LRBA: variants seen among roughly 807,000 people sequenced by gnomAD.
LRBA encodes the protein LPS responsive beige-like anchor protein.
Under a neutral mutation model 330.0 loss-of-function variants are expected in LRBA, and 176 were observed. That is an observed-to-expected ratio of 0.53 (90% CI 0.47 to 0.60). The LOEUF is 0.60. Ranked by LOEUF, LRBA falls within the 20% of genes least tolerant of loss-of-function variation. The pLI, the probability that LRBA is intolerant of heterozygous loss-of-function variation, is 0.00. For synonymous variants in LRBA, 1,230 were observed against 1,193.0 expected (o/e 1.03, Z -0.64); for missense variants, 3,259 against 3,444.8 (o/e 0.95, Z 1.35).
chr4:150,673,958 T>C (rs1413363112), intron 37 of LRBA, among the ~76,000 whole-genome samples: 1 of 152,164 alleles, frequency 6.6e-6, no homozygotes, highest in East Asian at 1.9e-4. Flanking sequence ...ATTTAAGAGG[T>C]TAGGTTCCAC....
intron 36 of LRBA, among the ~76,000 whole-genome samples, chr4:150,711,562 A>G (rs951510278): frequency 2.0e-5 from 3 of 152,178 alleles, no homozygotes; most frequent in Non-Finnish European, 4.4e-5. Context: ...CAACCACAAT[A>G]TAATTTCAAG....
intron 37 of LRBA, among the ~76,000 whole-genome samples, chr4:150,639,869 A>G (rs1294465283): frequency 8.7e-5 from 8 of 91,460 alleles, no homozygotes; most frequent in Non-Finnish European, 1.5e-4. Flanking sequence ...ATATATATAT[A>G]TATTTAGATG....
intron 41 of LRBA, among the ~76,000 whole-genome samples, chr4:150,489,180 T>C (rs1581463859): frequency 2.4e-5 from 3 of 123,982 alleles, no homozygotes; most frequent in South Asian, 4.7e-4. Context: ...TATATAAGTA[T>C]ATAATATATT....
intron 47 of LRBA, among the ~76,000 whole-genome samples, chr4:150,373,371 C>T (rs1162847027): frequency 6.6e-6 from 1 of 152,006 alleles, no homozygotes; most frequent in Non-Finnish European, 1.5e-5. Context: ...TTTCTCAGAC[C>T]TGCTTTACCT....
In LRBA at chr4:150,576,629, C is replaced by A. The variant is rs549114191; in HGVS notation, c.6330+11419G>T. Reference sequence around the variant, plus strand: ...AGTTGCTATTCAACTTGGGGGAAAACCCTGATATACAGCATACTCTCAATT... The same window carrying A: ...AGTTGCTATTCAACTTGGGGGAAAAACCTGATATACAGCATACTCTCAATT... On this transcript the variant is annotated intron_variant, in intron 40 of 56. Coordinates refer to ENST00000651943, the MANE Select transcript of LRBA (RefSeq NM_001364905.1). 1.8e-3 allele frequency among the ~76,000 whole-genome samples: 280 copies of A among 151,846 alleles called. 2 individuals are homozygous for A. The highest frequency in any genetic ancestry group is 2.8e-3 in the Non-Finnish European group (191 of 67,740).
chr4:150,381,795 G>C (rs76682500), intron 47 of LRBA, among the ~76,000 whole-genome samples: 3,022 of 152,312 alleles, frequency 0.02, 41 homozygotes, highest in Middle Eastern at 0.065. Flanking sequence ...AGTAATGCCT[G>C]AGGGTTACAG....
At chr4:150,276,245 A>C (rs555611593) in intron 56 of LRBA, among the ~76,000 whole-genome samples, 3 of 152,206 alleles carry the variant, frequency 2.0e-5, no homozygotes, top group Non-Finnish European at 4.4e-5. Context: ...GAAAACTGAA[A>C]CTGGACCCCT....
At chr4:150,667,309 A>G (rs1320351993) in intron 37 of LRBA, among the ~76,000 whole-genome samples, 2 of 152,208 alleles carry the variant, frequency 1.3e-5, no homozygotes, top group Non-Finnish European at 2.9e-5. Context: ...GCATGTAATC[A>G]TAAGCATCCT....
chr4:150,921,144 A>G, intron 5 of LRBA, 54 bp downstream of exon 5: 1 of 1,202,468 alleles, frequency 8.3e-7, no homozygotes, highest in Non-Finnish European at 1.2e-6. Context: ...CTGTACTTTC[A>G]GGGAGCAAAG....
chr4:150,606,290 C>T (rs1001503388), intron 37 of LRBA, among the ~76,000 whole-genome samples: 1 of 151,990 alleles, frequency 6.6e-6, no homozygotes, highest in Non-Finnish European at 1.5e-5. Flanking sequence ...AAAGCTCTAA[C>T]AAAAGACATC....
At chr4:150,546,209 C>T (rs759017740) in intron 40 of LRBA, among the ~76,000 whole-genome samples, 1 of 152,274 alleles carries the variant, frequency 6.6e-6, no homozygotes, top group Non-Finnish European at 1.5e-5. Flanking sequence ...AACATGGCCA[C>T]GCTGCACATG....
chr4:150,766,943 T>C (rs1735839034), intron 34 of LRBA, among the ~76,000 whole-genome samples: 1 of 152,182 alleles, frequency 6.6e-6, no homozygotes, highest in African/African-American at 2.4e-5. Flanking sequence ...AATTGTTGAC[T>C]AGTCAATTTT....
chr4:150,574,048 A>T (rs1352800924), intron 40 of LRBA, among the ~76,000 whole-genome samples: 2 of 152,124 alleles, frequency 1.3e-5, no homozygotes, highest in African/African-American at 4.8e-5. Context: ...TGTCCAAAAC[A>T]TTGACAGTCC....
chr4:150,896,803 C>T (rs11733609), intron 15 of LRBA, among the ~76,000 whole-genome samples: 4,119 of 151,900 alleles, frequency 0.027, 70 homozygotes, highest in African/African-American at 0.031. Context: ...GACATCTTTT[C>T]GACTGAAATT....
chr4:150,973,852 C>T (rs1311928696), intron 2 of LRBA, among the ~76,000 whole-genome samples: 1 of 152,174 alleles, frequency 6.6e-6, no homozygotes, highest in African/African-American at 2.4e-5. Context: ...GCAAAAGAAA[C>T]TTGAGCATCA....
chr4:150,526,344 C>T (rs1763472532), intron 40 of LRBA, among the ~76,000 whole-genome samples: 1 of 152,178 alleles, frequency 6.6e-6, no homozygotes, highest in Non-Finnish European at 1.5e-5. Context: ...GGTTACATCC[C>T]TTAACCTCCA....
intron 43 of LRBA, among the ~76,000 whole-genome samples, chr4:150,470,737 A>T (rs1755999148): frequency 6.6e-6 from 1 of 152,126 alleles, no homozygotes; most frequent in Middle Eastern, 3.4e-3. Flanking sequence ...TACCACCTAC[A>T]TTCAGTCAGC....
chr4:150,412,005 A>G (rs771891022), intron 47 of LRBA, among the ~76,000 whole-genome samples: 7 of 152,224 alleles, frequency 4.6e-5, no homozygotes, highest in Non-Finnish European at 8.8e-5. Context: ...ATGAATCAAT[A>G]TAGACTATAT....
intron 37 of LRBA, among the ~76,000 whole-genome samples, chr4:150,639,360 T>TAAAAAAAAAAAAAAAAAAAAAAAAA (rs371245495): frequency 9.4e-6 from 1 of 106,694 alleles, no homozygotes; most frequent in African/African-American, 3.7e-5. Flanking sequence ...TAAAGTATAA[T>TAAAAAAAAAAAAAAAAAAAAAAAAA]AAAAAAAAAA....
Sources: gnomAD v4.1 joint callset for allele counts (sites outside exome capture counted in the v4.1 genomes callset) on GRCh38, gnomAD v4.1.1 for gene constraint, MANE v1.5 for transcripts, NCBI Gene and HGNC (gene_info 2026-07-23, HGNC 2026-07-21) for gene names.